The following AIG1 variants were observed in gnomAD, a reference collection of about 807,000 sequenced individuals.
The protein encoded by AIG1 is androgen induced 1.
AIG1 carries 23 observed loss-of-function variants against 31.4 expected under a neutral mutation model. The ratio of observed to expected loss-of-function variants is 0.73; its 90% confidence interval spans 0.53 to 1.04. AIG1 has a LOEUF of 1.04. Among genes scored for constraint, AIG1 ranks in the 50% least tolerant of loss-of-function variants. AIG1 has a pLI of 0.00. For missense variants in AIG1, 274 were observed against 295.0 expected (o/e 0.93, Z 0.52); for synonymous variants, 100 against 110.5 (o/e 0.90, Z 0.60).
rs11155286 is a variant in AIG1 at position 143,279,877 on chromosome 6, C to G, written c.400-4233C>G. On this transcript the variant is annotated intron_variant, in intron 3 of 5. Transcript: ENST00000357847. This position sits in a 1 kb window ranked among gnomAD's most constrained non-coding sequence, Gnocchi z 5.4. ...CTAGACCAGTACTTTCTAGGATGGA[C>G]TTTATATGGAAGACCAAAGGTTTAC... Among the ~76,000 whole-genome samples the G allele has an allele frequency of 0.21, 31,739 of 152,138 alleles. 4,240 individuals are homozygous for G. Among genetic ancestry groups the G allele is most frequent in the East Asian group, 0.7 (3,611 of 5,160 alleles).
chr6:143,169,556 A>G (rs2128570680), intron 3 of AIG1, among the ~76,000 whole-genome samples: 1 of 152,180 alleles, frequency 6.6e-6, no homozygotes, highest in Non-Finnish European at 1.5e-5. Context: ...CCTCCTATCT[A>G]GCTATAATTG....
At position 143,334,150 on chromosome 6, in the gene AIG1, C is replaced by A; in HGVS notation, c.679+705C>A. 2 of 1,517,380 alleles carry A rather than the reference C, an allele frequency of 1.3e-6. No homozygotes were observed. The highest frequency in any genetic ancestry group is 2.5e-5 in the East Asian group (1 of 40,446). The allele number at this position is 1,517,380 out of a possible 1,614,324, so 94.0% of individuals were successfully genotyped here. A position where few individuals can be genotyped will look rare whatever the true frequency, so the allele number is the denominator to read the frequency against. ...CCTGTCCAAAGTGTATGTACAATAA[C>A]ATAAAAATTGAAAGGTGGAAAAAGC... On this transcript the variant is annotated intron_variant, in intron 5 of 5. Coordinates refer to ENST00000357847, the MANE Select transcript of AIG1 (RefSeq NM_016108.4). The surrounding 1 kb of genome is among the most constrained non-coding windows in gnomAD (Gnocchi z 5.1).
chr6:143,131,893 C>T (rs1483023468), intron 1 of AIG1, among the ~76,000 whole-genome samples: 2 of 152,142 alleles, frequency 1.3e-5, no homozygotes, highest in Admixed American at 6.5e-5. Flanking sequence ...ACTTGTTATG[C>T]AGCAATGGAC....
chr6:143,225,558 T>G (rs1405240425), intron 3 of AIG1, among the ~76,000 whole-genome samples: 1 of 152,238 alleles, frequency 6.6e-6, no homozygotes, highest in Non-Finnish European at 1.5e-5. Flanking sequence ...AAGTCTTTAC[T>G]ATTATTGACA....
intron 3 of AIG1, among the ~76,000 whole-genome samples, chr6:143,252,529 A>G (rs1795081800): frequency 2.0e-5 from 3 of 152,214 alleles, no homozygotes; most frequent in South Asian, 2.1e-4. Context: ...AATTTTTCAT[A>G]AATTCCTTAA....
chr6:143,109,742 C>T (rs906871053), intron 1 of AIG1, among the ~76,000 whole-genome samples: 6 of 151,992 alleles, frequency 3.9e-5, no homozygotes, highest in Admixed American at 3.9e-4. Flanking sequence ...CTTTCTTTTA[C>T]TCTGGCTTGT....
At chr6:143,123,437 C>T (rs1462709495) in intron 1 of AIG1, among the ~76,000 whole-genome samples, 1 of 152,134 alleles carries the variant, frequency 6.6e-6, no homozygotes, top group Non-Finnish European at 1.5e-5. Flanking sequence ...GCTTTTCTTA[C>T]TATTATTGCC....
intron 3 of AIG1, among the ~76,000 whole-genome samples, chr6:143,246,124 G>A (rs997143150): frequency 1.3e-5 from 2 of 152,144 alleles, no homozygotes; most frequent in Non-Finnish European, 2.9e-5. Flanking sequence ...TTGGTTTAGG[G>A]CCTCACTTCT....
chr6:143,277,523 C>T (rs60089166), intron 3 of AIG1, among the ~76,000 whole-genome samples: 2 of 152,292 alleles, frequency 1.3e-5, no homozygotes, highest in African/African-American at 4.8e-5. Flanking sequence ...ATGCACACTG[C>T]CATCTTTTTA....
intron 1 of AIG1, among the ~76,000 whole-genome samples, chr6:143,102,904 T>C (rs1172186073): frequency 6.6e-6 from 1 of 152,222 alleles, no homozygotes; most frequent in African/African-American, 2.4e-5. Context: ...ATTTTTACTT[T>C]ATTTTTTTGT....
At chr6:143,138,490 A>G (rs2128523520) in intron 2 of AIG1, among the ~76,000 whole-genome samples, 1 of 152,254 alleles carries the variant, frequency 6.6e-6, no homozygotes, top group South Asian at 2.1e-4. Context: ...TATATTATAT[A>G]TATCATGTAT....
At chr6:143,161,976 A>G (rs934035535) in intron 2 of AIG1, among the ~76,000 whole-genome samples, 1 of 152,216 alleles carries the variant, frequency 6.6e-6, no homozygotes, top group African/African-American at 2.4e-5. Flanking sequence ...AGTAAAATGC[A>G]TAAAATTGTA....
chr6:143,228,263 G>C (rs188087018), intron 3 of AIG1, among the ~76,000 whole-genome samples: 5 of 152,210 alleles, frequency 3.3e-5, no homozygotes, highest in African/African-American at 1.2e-4. Context: ...AGGCCCCCAA[G>C]GGGCTGTATT....
intron 1 of AIG1, among the ~76,000 whole-genome samples, chr6:143,101,697 G>A (rs531560923): frequency 5.3e-5 from 8 of 152,160 alleles, no homozygotes; most frequent in African/African-American, 1.9e-4. Flanking sequence ...ACTAGAAATT[G>A]GGTTCAGTAT....
chr6:143,151,448 C>T (rs1177893818), intron 2 of AIG1, among the ~76,000 whole-genome samples: 1 of 152,148 alleles, frequency 6.6e-6, no homozygotes, highest in African/African-American at 2.4e-5. Flanking sequence ...ATGTGTATAA[C>T]TTGCTATATA....
chr6:143,136,873 TG>T lies in AIG1; in HGVS notation c.181del (p.Asp61IlefsTer6). On this transcript the variant is annotated frameshift_variant, in exon 2 of 6. Transcript: ENST00000357847. LOFTEE classifies it high-confidence loss of function. ...TCTTTTTTGGCATCTGTGTGCTGAC[TG>T]ATCTTTCCAGTCTTCTGACTCGAGG... Reference protein sequence around the residue: ...AVFFGICVLTDLSSLLTRGSG... With the variant: ...AVFFGICVLTXLSSLLTRGSG... 6.6e-7 allele frequency: 1 copy of T among 1,516,068 alleles called. No homozygotes were observed. Among genetic ancestry groups the T allele is most frequent in the South Asian group, 1.3e-5 (1 of 77,620 alleles). The allele number at this position is 1,516,068 out of a possible 1,614,324, so 93.9% of individuals were successfully genotyped here.
intron 4 of AIG1, among the ~76,000 whole-genome samples, chr6:143,286,792 G>A (rs1197559496): frequency 6.6e-6 from 1 of 152,150 alleles, no homozygotes; most frequent in Non-Finnish European, 1.5e-5. Flanking sequence ...GGCTGACCAG[G>A]CTGCTGGCTG....
chr6:143,129,934 T>C (rs1783059598), intron 1 of AIG1, among the ~76,000 whole-genome samples: 2 of 137,306 alleles, frequency 1.5e-5, no homozygotes, highest in South Asian at 5.4e-4. Context: ...AAATAGACAC[T>C]TTTTTTTTTT....
At chr6:143,185,383 C>T (rs1325606099) in intron 3 of AIG1, among the ~76,000 whole-genome samples, 1 of 151,980 alleles carries the variant, frequency 6.6e-6, no homozygotes, top group African/African-American at 2.4e-5. Flanking sequence ...TCCTCCCTGC[C>T]CCCTTTAAGC....
Sources: gnomAD v4.1 joint callset for allele counts (sites outside exome capture counted in the v4.1 genomes callset) on GRCh38, gnomAD v4.1.1 for gene constraint, Gnocchi (gnomAD v3.1) non-coding constraint, MANE v1.5 for transcripts, NCBI Gene and HGNC (gene_info 2026-07-23, HGNC 2026-07-21) for gene names.